Variants in RBMS3 observed in about 807,000 individuals in gnomAD.
RBMS3 encodes the protein RNA binding motif single stranded interacting protein 3, also known as RNA-binding motif, single-stranded-interacting protein 3.
RBMS3 carries 27 observed loss-of-function variants against 66.8 expected under a neutral mutation model. The ratio of observed to expected loss-of-function variants is 0.40; its 90% CI spans 0.30 to 0.56. The LOEUF is 0.56. Ranked by LOEUF, RBMS3 falls within the 20% of genes least tolerant of loss-of-function variation. The probability of loss-of-function intolerance (pLI) is 0.40; values close to 1 mark genes in which losing one functional copy is unlikely to be tolerated. For synonymous variants in RBMS3, 188 were observed against 183.0 expected (o/e 1.03, Z -0.22); for missense variants, 513 against 549.5 (o/e 0.93, Z 0.66).
At chr3:29,780,419 C>A (rs1024159873) in intron 6 of RBMS3, among the ~76,000 whole-genome samples, 1 of 151,652 alleles carries the variant, frequency 6.6e-6, no homozygotes, top group South Asian at 2.1e-4. Flanking sequence ...TCATGCTTTC[C>A]CTTGATTGCT....
intron 6 of RBMS3, among the ~76,000 whole-genome samples, chr3:29,828,694 C>T (rs2149484774): frequency 6.6e-6 from 1 of 152,248 alleles, no homozygotes; most frequent in East Asian, 1.9e-4. Flanking sequence ...TGGCAGATCA[C>T]AGACTAAGAA....
intron 1 of RBMS3, among the ~76,000 whole-genome samples, chr3:29,330,835 T>G (rs985227768): frequency 6.6e-6 from 1 of 152,166 alleles, no homozygotes; most frequent in South Asian, 2.1e-4. Flanking sequence ...GGATGGACGT[T>G]GTCAGTCCAT....
At chr3:29,461,004 A>G (rs1004363246) in intron 2 of RBMS3, among the ~76,000 whole-genome samples, 1 of 152,214 alleles carries the variant, frequency 6.6e-6, no homozygotes, top group Non-Finnish European at 1.5e-5. Context: ...CATTGGTTTC[A>G]TCTAACTGCT....
At chr3:29,919,633 T>G (rs1240582391) in intron 10 of RBMS3, among the ~76,000 whole-genome samples, 1 of 152,212 alleles carries the variant, frequency 6.6e-6, no homozygotes, top group Non-Finnish European at 1.5e-5. Flanking sequence ...TAATCACCTC[T>G]CTATCTTGGA....
intron 4 of RBMS3, among the ~76,000 whole-genome samples, chr3:29,590,583 T>A (rs1369840570): frequency 6.6e-6 from 1 of 152,082 alleles, no homozygotes; most frequent in Non-Finnish European, 1.5e-5. Flanking sequence ...ATTCTTTTTT[T>A]TTCTGAATGT....
At chr3:29,692,040 C>T (rs908697748) in intron 4 of RBMS3, among the ~76,000 whole-genome samples, 10 of 148,588 alleles carry the variant, frequency 6.7e-5, no homozygotes, top group African/African-American at 2.5e-4. Flanking sequence ...ACCTCTGCCT[C>T]CTGGGATCTC....
chr3:29,722,162 T>C (rs1469481159), intron 4 of RBMS3, among the ~76,000 whole-genome samples: 2 of 152,206 alleles, frequency 1.3e-5, no homozygotes, highest in Non-Finnish European at 2.9e-5. Context: ...ATTTTGGCTA[T>C]CAAAATTAAC....
intron 6 of RBMS3, among the ~76,000 whole-genome samples, chr3:29,784,395 T>G (rs1187230707): frequency 2.0e-5 from 3 of 152,024 alleles, no homozygotes; most frequent in African/African-American, 4.8e-5. Context: ...CTCAAAACCA[T>G]GCAATTACAT....
intron 1 of RBMS3, among the ~76,000 whole-genome samples, chr3:29,413,409 CATACATACATACAT>C (rs1559559823): frequency 2.4e-4 from 37 of 151,328 alleles, no homozygotes; most frequent in African/African-American, 7.8e-4. Flanking sequence ...TACATACATA[CATACATACATACAT>C]ACACAGAGTT....
intron 4 of RBMS3, among the ~76,000 whole-genome samples, chr3:29,643,405 C>G (rs2049799567): frequency 6.6e-6 from 1 of 152,068 alleles, no homozygotes; most frequent in Non-Finnish European, 1.5e-5. Flanking sequence ...TTGACTTCTT[C>G]CCCCAGAGTG....
At chr3:29,928,203 T>TACACAC (rs1415810525) in intron 10 of RBMS3, among the ~76,000 whole-genome samples, 2 of 110,234 alleles carry the variant, frequency 1.8e-5, no homozygotes, top group African/African-American at 6.9e-5. Flanking sequence ...TATATATATA[T>TACACAC]ATATATATAC....
At chr3:29,394,061 A>G (rs2039433136) in intron 1 of RBMS3, among the ~76,000 whole-genome samples, 2 of 152,140 alleles carry the variant, frequency 1.3e-5, no homozygotes. Flanking sequence ...GCCAGGCTGG[A>G]ATTTCCTAAT....
At chr3:29,999,552 T>G (rs1370972357) in intron 14 of RBMS3, among the ~76,000 whole-genome samples, 2 of 152,256 alleles carry the variant, frequency 1.3e-5, no homozygotes, top group Non-Finnish European at 2.9e-5. Context: ...ATGTGGCACA[T>G]ATACACCATG....
chr3:29,985,184 G>A (rs918046139), intron 12 of RBMS3, among the ~76,000 whole-genome samples: 1 of 152,164 alleles, frequency 6.6e-6, no homozygotes, highest in African/African-American at 2.4e-5. Context: ...ACACTGTGAG[G>A]GGAAAACAGC....
At chr3:29,791,152 T>G (rs1276877712) in intron 6 of RBMS3, among the ~76,000 whole-genome samples, 2 of 152,176 alleles carry the variant, frequency 1.3e-5, no homozygotes, top group African/African-American at 4.8e-5. Flanking sequence ...TTTAAAGAGG[T>G]TCTCATACAT....
At chr3:29,934,962 C>A (rs1431699377) in intron 10 of RBMS3, among the ~76,000 whole-genome samples, 3 of 152,068 alleles carry the variant, frequency 2.0e-5, no homozygotes, top group Non-Finnish European at 4.4e-5. Context: ...ATCTGGCCAT[C>A]TACATGCATC....
intron 3 of RBMS3, among the ~76,000 whole-genome samples, chr3:29,575,259 C>T (rs1044371580): frequency 5.3e-5 from 8 of 151,442 alleles, no homozygotes; most frequent in Admixed American, 3.9e-4. Context: ...ATATCTTTGT[C>T]GGATATACTA....
At chr3:29,350,962 C>T (rs4555478) in intron 1 of RBMS3, among the ~76,000 whole-genome samples, 28,580 of 151,670 alleles carry the variant, frequency 0.19, 2,885 homozygotes, top group African/African-American at 0.25. Flanking sequence ...TCCAAATCTA[C>T]CATTAACAAT....
At chr3:29,723,447 A>G (rs114318221) in intron 4 of RBMS3, among the ~76,000 whole-genome samples, 6,885 of 152,270 alleles carry the variant, frequency 0.045, 212 homozygotes, top group Non-Finnish European at 0.066. Context: ...ATTCACTTAT[A>G]TAAGAAGGAA....
Sources: allele counts gnomAD v4.1 joint callset (sites outside exome capture counted in the v4.1 genomes callset), GRCh38; gene constraint gnomAD v4.1.1; transcripts MANE v1.5; gene names NCBI Gene and HGNC (gene_info 2026-07-23, HGNC 2026-07-21).